The following ST6GALNAC3 variants were observed in gnomAD, a reference collection of about 807,000 sequenced individuals.
The protein encoded by ST6GALNAC3 is alpha-N-acetylgalactosaminide alpha-2,6-sialyltransferase 3.
A neutral mutation model predicts 32.7 loss-of-function variants in ST6GALNAC3; 25 were observed. The ratio of observed to expected loss-of-function variants is 0.76; its 90% CI spans 0.56 to 1.07. ST6GALNAC3 has a LOEUF of 1.07. Among genes scored for constraint, ST6GALNAC3 ranks in the 50% least tolerant of loss-of-function variants. The pLI is 0.00. For missense variants in ST6GALNAC3, 355 were observed against 382.4 expected (o/e 0.93, Z 0.60); for synonymous variants, 129 against 133.1 (o/e 0.97, Z 0.21).
chr1:76,441,088 C>CAAAAAAAAAAAAAAAAAAAA (rs397980569), intron 3 of ST6GALNAC3, among the ~76,000 whole-genome samples: 1 of 90,264 alleles, frequency 1.1e-5, no homozygotes, highest in African/African-American at 3.5e-5. Context: ...ACTATGTCTC[C>CAAAAAAAAAAAAAAAAAAAA]AAAAAAAAAA....
chr1:76,628,409 A>C (rs1649110565), intron 4 of ST6GALNAC3, among the ~76,000 whole-genome samples: 2 of 151,936 alleles, frequency 1.3e-5, no homozygotes, highest in South Asian at 2.1e-4. Context: ...ATGATATATA[A>C]ATTTTATTTG....
chr1:76,382,553 A>T (rs2101119804), intron 2 of ST6GALNAC3, among the ~76,000 whole-genome samples: 1 of 152,332 alleles, frequency 6.6e-6, no homozygotes, highest in Non-Finnish European at 1.5e-5. Flanking sequence ...AAGGTGAAAG[A>T]TAAAGAAAAG....
intron 2 of ST6GALNAC3, among the ~76,000 whole-genome samples, chr1:76,403,428 T>A (rs1282547715): frequency 4.6e-5 from 7 of 152,132 alleles, no homozygotes; most frequent in Admixed American, 4.6e-4. Flanking sequence ...AATTTATTGT[T>A]TTGTTTTCAT....
intron 3 of ST6GALNAC3, among the ~76,000 whole-genome samples, chr1:76,596,238 C>T (rs1185852529): frequency 1.3e-5 from 2 of 152,096 alleles, no homozygotes; most frequent in Admixed American, 1.3e-4. Flanking sequence ...TACTTCCTAC[C>T]TAATAACGTA....
At chr1:76,464,976 T>C (rs752311073) in intron 3 of ST6GALNAC3, among the ~76,000 whole-genome samples, 7 of 150,594 alleles carry the variant, frequency 4.6e-5, no homozygotes, top group Non-Finnish European at 8.9e-5. Context: ...TTTAAGATTA[T>C]TAAAACTTCA....
In ST6GALNAC3 at chr1:76,560,757, CTG is replaced by C. The variant is rs1417743082; in HGVS notation, c.624-66692_624-66691del. ...GTGGGAATGTAAATTAGTACAATCA[CTG>C]TGGAGAACAGTTTGAACGTTCCTTG... On this transcript the variant is annotated intron_variant, in intron 3 of 4. Coordinates refer to ENST00000328299, the MANE Select transcript of ST6GALNAC3 (RefSeq NM_152996.4). Among the ~76,000 whole-genome samples the C allele has an allele frequency of 1.6e-4, 24 of 152,302 alleles. 2 individuals carry two copies. The highest frequency in any genetic ancestry group is 5.5e-4 in the African/African-American group (23 of 41,572).
chr1:76,255,077 G>A (rs2100709527), intron 1 of ST6GALNAC3, among the ~76,000 whole-genome samples: 1 of 146,754 alleles, frequency 6.8e-6, no homozygotes, highest in East Asian at 2.0e-4. Context: ...GTTTGATTAT[G>A]TGGCACCTAG....
chr1:76,082,664 TTAATA>T lies in ST6GALNAC3; in HGVS notation c.18+7781_18+7785del, dbSNP rs1367655349. 2.0e-5 allele frequency among the ~76,000 whole-genome samples: 3 copies of T among 152,152 alleles called. No individual in the cohort carries two copies. The East Asian group carries it at 5.8e-4, about 29-fold the overall frequency. On this transcript the variant is annotated intron_variant, in intron 1 of 4. Coordinates refer to ENST00000328299, the MANE Select transcript of ST6GALNAC3 (RefSeq NM_152996.4). The stretch of plus-strand genomic sequence containing the variant: ...CCTTGGCCTGGGATATTAAGAGACT[TTAATA>T]AACAGCAGCCCTAGGGTAGGTGACA...
intron 1 of ST6GALNAC3, among the ~76,000 whole-genome samples, chr1:76,254,185 C>G (rs78080538): frequency 0.011 from 1,744 of 152,174 alleles, 72 homozygotes; most frequent in East Asian, 0.087. Context: ...GAATTTAGCA[C>G]GCGATTTTCC....
At chr1:76,627,712 G>T (rs183712933) in intron 4 of ST6GALNAC3, among the ~76,000 whole-genome samples, 153 bp downstream of exon 4, 2 of 151,876 alleles carry the variant, frequency 1.3e-5, no homozygotes, top group African/African-American at 4.8e-5. Context: ...TTGTCAGTGC[G>T]TCAAGTTGTG....
intron 3 of ST6GALNAC3, among the ~76,000 whole-genome samples, chr1:76,420,162 T>A (rs1654933973): frequency 6.6e-6 from 1 of 152,098 alleles, no homozygotes; most frequent in Non-Finnish European, 1.5e-5. Context: ...CCAAATGATT[T>A]GAGGCAGGGC....
In ST6GALNAC3 at chr1:76,514,123, C is replaced by T. The variant is rs372603672; in HGVS notation, c.623+101706C>T. On this transcript the variant is annotated intron_variant, in intron 3 of 4. Coordinates refer to ENST00000328299, the MANE Select transcript of ST6GALNAC3 (RefSeq NM_152996.4). ...TTGTAAATGGGAATAGTTTGACTTT[C>T]TTGTTTCCAAATTGCATGCCTTTTA... is the stretch of plus-strand genomic sequence containing the variant. Among the ~76,000 whole-genome samples the T allele has an allele frequency of 2.9e-4, 44 of 152,188 alleles. 1 individual carries two copies. The East Asian group carries it at 7.0e-3, about 24-fold the overall frequency.
At chr1:76,289,319 ACTGT>A (rs1356693204) in intron 1 of ST6GALNAC3, among the ~76,000 whole-genome samples, 1 of 152,194 alleles carries the variant, frequency 6.6e-6, no homozygotes, top group Non-Finnish European at 1.5e-5. Flanking sequence ...TGGAAGTCAG[ACTGT>A]CTGGGTTCTG....
chr1:76,529,632 A>G (rs947378105), intron 3 of ST6GALNAC3, among the ~76,000 whole-genome samples: 7 of 152,182 alleles, frequency 4.6e-5, no homozygotes, highest in Admixed American at 2.0e-4. Flanking sequence ...TGGAATATGT[A>G]TGCAACTTTG....
chr1:76,221,829 G>A (rs917399766), intron 1 of ST6GALNAC3, among the ~76,000 whole-genome samples: 2 of 152,048 alleles, frequency 1.3e-5, no homozygotes, highest in Non-Finnish European at 2.9e-5. Context: ...GAGATTATTG[G>A]CATAAGAGTT....
At chr1:76,578,893 T>C (rs1646850858) in intron 3 of ST6GALNAC3, among the ~76,000 whole-genome samples, 1 of 152,048 alleles carries the variant, frequency 6.6e-6, no homozygotes, top group Admixed American at 6.6e-5. Flanking sequence ...CATCTGAGGA[T>C]ATACCTATGC....
chr1:76,379,708 C>T (rs2101109495), intron 2 of ST6GALNAC3, among the ~76,000 whole-genome samples: 1 of 152,270 alleles, frequency 6.6e-6, no homozygotes, highest in Non-Finnish European at 1.5e-5. Flanking sequence ...CATCTGAGAC[C>T]TGAGAGTGGC....
chr1:76,598,694 C>A (rs1197451282), intron 3 of ST6GALNAC3, among the ~76,000 whole-genome samples: 1 of 151,666 alleles, frequency 6.6e-6, no homozygotes, highest in Non-Finnish European at 1.5e-5. Flanking sequence ...TGTAGACAAG[C>A]ACAGATCTTC....
chr1:76,502,205 G>T (rs1395705851), intron 3 of ST6GALNAC3, among the ~76,000 whole-genome samples: 1 of 152,198 alleles, frequency 6.6e-6, no homozygotes, highest in Non-Finnish European at 1.5e-5. Context: ...ATCTCTTCCT[G>T]TTACCTAAAG....
Sources: allele counts gnomAD v4.1 joint callset (sites outside exome capture counted in the v4.1 genomes callset), GRCh38; gene constraint gnomAD v4.1.1; transcripts MANE v1.5; gene names NCBI Gene and HGNC (gene_info 2026-07-23, HGNC 2026-07-21).